The following KALRN variants were observed in gnomAD, a reference collection of about 807,000 sequenced individuals.
The protein encoded by KALRN is kalirin RhoGEF kinase, also known as kalirin.
Under a neutral mutation model 353.7 loss-of-function variants are expected in KALRN, and 70 were observed. That is an observed-to-expected ratio of 0.20 (90% CI 0.16 to 0.24). KALRN has a LOEUF of 0.24. Ranked by LOEUF, KALRN falls within the 10% of genes least tolerant of loss-of-function variation. The pLI, the probability that KALRN is intolerant of heterozygous loss-of-function variation, is 1.00. For synonymous variants in KALRN, 1,391 were observed against 1,434.8 expected (o/e 0.97, Z 0.69); for missense variants, 2,791 against 3,756.7 (o/e 0.74, Z 6.72).
intron 33 of KALRN, among the ~76,000 whole-genome samples, chr3:124,545,060 A>G (rs887391156): frequency 1.3e-5 from 2 of 152,218 alleles, no homozygotes; most frequent in African/African-American, 4.8e-5. Flanking sequence ...GCCCACTTAA[A>G]TTTTAAGGCC....
chr3:124,668,043 GACACACACAC>G (rs55672121), intron 47 of KALRN, among the ~76,000 whole-genome samples: 21,649 of 138,270 alleles, frequency 0.16, 1,809 homozygotes, highest in Middle Eastern at 0.25. Context: ...TGTATATCGA[GACACACACAC>G]ACACACACAC....
intron 14 of KALRN, among the ~76,000 whole-genome samples, 177 bp downstream of exon 14, chr3:124,413,842 A>G (rs553772972): frequency 6.6e-6 from 1 of 152,322 alleles, no homozygotes; most frequent in Admixed American, 6.5e-5. Flanking sequence ...GTGGTGGTTC[A>G]TGCCAGTAAT....
chr3:124,266,482 C>T (rs1384743314), intron 4 of KALRN, among the ~76,000 whole-genome samples: 3 of 152,126 alleles, frequency 2.0e-5, no homozygotes, highest in Non-Finnish European at 4.4e-5. Flanking sequence ...TTTTCAATGA[C>T]AATACATCAG....
chr3:124,646,636 C>T (rs1309978414), intron 37 of KALRN, among the ~76,000 whole-genome samples: 1 of 151,432 alleles, frequency 6.6e-6, no homozygotes, highest in Admixed American at 6.6e-5. Context: ...GGTTATCTGC[C>T]CCCCTCGGCC....
At chr3:124,608,682 T>A (rs2077615295) in intron 34 of KALRN, among the ~76,000 whole-genome samples, 1 of 152,162 alleles carries the variant, frequency 6.6e-6, no homozygotes, top group South Asian at 2.1e-4. Flanking sequence ...ATGGTGGCCC[T>A]CCCCTGCAGT....
chr3:124,145,559 C>T (rs1057295970), intron 1 of KALRN, among the ~76,000 whole-genome samples: 6 of 152,198 alleles, frequency 3.9e-5, no homozygotes, highest in Admixed American at 3.9e-4. Flanking sequence ...GTGACATGAC[C>T]AAAGGTGTGA....
At chr3:124,510,893 T>A (rs1284958291) in intron 33 of KALRN, among the ~76,000 whole-genome samples, 1 of 152,210 alleles carries the variant, frequency 6.6e-6, no homozygotes, top group African/African-American at 2.4e-5. Flanking sequence ...CAAGAGTATG[T>A]CTCTGAAGTG....
chr3:124,464,041 A>G (rs1270653350), intron 25 of KALRN, among the ~76,000 whole-genome samples: 1 of 152,144 alleles, frequency 6.6e-6, no homozygotes, highest in African/African-American at 2.4e-5. Context: ...TCATGTCCTC[A>G]TGCTTATCAC....
At chr3:124,458,014 G>A (rs1169228710) in intron 23 of KALRN, among the ~76,000 whole-genome samples, 3 of 152,104 alleles carry the variant, frequency 2.0e-5, no homozygotes, top group East Asian at 3.9e-4. Flanking sequence ...GGTGGCTCAC[G>A]TCTGTAATCC....
At chr3:124,091,653 T>C (rs2061125511) in intron 1 of KALRN, among the ~76,000 whole-genome samples, 1 of 151,876 alleles carries the variant, frequency 6.6e-6, no homozygotes, top group Admixed American at 6.6e-5. Flanking sequence ...CCCTCTGGAG[T>C]GGATGGGCTG....
chr3:124,656,939 G>C (rs760953635), intron 39 of KALRN, among the ~76,000 whole-genome samples: 8 of 152,174 alleles, frequency 5.3e-5, no homozygotes, highest in Non-Finnish European at 8.8e-5. Flanking sequence ...AGGGAACTCA[G>C]ACATCAGTGG....
At chr3:124,176,567 T>C (rs981741165) in intron 1 of KALRN, among the ~76,000 whole-genome samples, 3 of 152,138 alleles carry the variant, frequency 2.0e-5, no homozygotes, top group Non-Finnish European at 2.9e-5. Context: ...CAAGCCGAAG[T>C]TGGCTGACCC....
At chr3:124,219,811 A>G (rs1188348713) in intron 1 of KALRN, among the ~76,000 whole-genome samples, 1 of 151,738 alleles carries the variant, frequency 6.6e-6, no homozygotes, top group Non-Finnish European at 1.5e-5. Flanking sequence ...GGTTGGGGAG[A>G]GGCATGTGGG....
Position 124,355,709 on chromosome 3 carries a change from C to CTTTTTTTTTT in KALRN, c.1770+8459_1770+8468dup, listed in dbSNP as rs3055894. ...TTAAACACCCTCAACTCTCTCCCAT[C>CTTTTTTTTTT]TTTTTTTTTTTTTTTTTTTTTTTTG... On this transcript the variant is annotated intron_variant, in intron 10 of 59. Coordinates refer to ENST00000682506, the MANE Select transcript of KALRN (RefSeq NM_001388419.1). Among the ~76,000 whole-genome samples the CTTTTTTTTTT allele has an allele frequency of 1.3e-3, 126 of 97,402 alleles. 4 individuals carry two copies. The highest frequency in any genetic ancestry group is 2.1e-3 in the African/African-American group (52 of 24,756). The allele number at this position is 97,402 out of a possible 152,430, so 63.9% of individuals were successfully genotyped here. A position where few individuals can be genotyped will look rare whatever the true frequency, so the allele number is the denominator to read the frequency against.
chr3:124,484,924 C>A (rs976697726), intron 28 of KALRN, among the ~76,000 whole-genome samples: 1 of 151,910 alleles, frequency 6.6e-6, no homozygotes, highest in Admixed American at 6.6e-5. Flanking sequence ...GCCAACATGG[C>A]GAAACCCCGT....
chr3:124,127,631 C>T (rs1331930075), intron 1 of KALRN, among the ~76,000 whole-genome samples: 1 of 152,208 alleles, frequency 6.6e-6, no homozygotes, highest in Non-Finnish European at 1.5e-5. Context: ...TCTAGATGAT[C>T]TCTGAGTGAT....
At chr3:124,055,467 G>A (rs2041443160) in intron 1 of KALRN, among the ~76,000 whole-genome samples, 1 of 152,110 alleles carries the variant, frequency 6.6e-6, no homozygotes, top group African/African-American at 2.4e-5. Context: ...ATTCTATCTA[G>A]TTTGTTTTGA....
At chr3:124,631,164 T>C (rs1211370275) in intron 34 of KALRN, among the ~76,000 whole-genome samples, 1 of 152,208 alleles carries the variant, frequency 6.6e-6, no homozygotes, top group Non-Finnish European at 1.5e-5. Flanking sequence ...CTGGCTACTT[T>C]CTTGTCCTCT....
intron 45 of KALRN, among the ~76,000 whole-genome samples, chr3:124,665,313 C>T (rs1370633465): frequency 6.6e-6 from 1 of 152,152 alleles, no homozygotes; most frequent in Non-Finnish European, 1.5e-5. Context: ...CTGGGTTGGG[C>T]CATATTCCCT....
Sources: allele counts gnomAD v4.1 joint callset (sites outside exome capture counted in the v4.1 genomes callset), GRCh38; gene constraint gnomAD v4.1.1; transcripts MANE v1.5; gene names NCBI Gene and HGNC (gene_info 2026-07-23, HGNC 2026-07-21).